Variants in GUCY2F observed in about 807,000 individuals in gnomAD.
GUCY2F encodes guanylate cyclase 2F, retinal.
In GUCY2F, 61 loss-of-function variants were observed where a neutral mutation model predicts 73.1. The observed-to-expected ratio is 0.83, with a 90% CI of 0.68 to 1.03. The LOEUF (loss-of-function observed/expected upper bound fraction) is 1.03. Among genes scored for constraint, GUCY2F ranks in the 50% least tolerant of loss-of-function variants. The pLI, the probability that GUCY2F is intolerant of heterozygous loss-of-function variation, is 0.00. For missense variants in GUCY2F, 912 were observed against 854.3 expected (o/e 1.07, Z -0.84); for synonymous variants, 331 against 307.8 (o/e 1.08, Z -0.79).
Position 109,473,654 on chromosome X carries a change from G to C in GUCY2F, c.730+1553C>G, listed in dbSNP as rs2300111. On this transcript the variant is annotated intron_variant, in intron 2 of 19. Transcript: ENST00000218006. ...GCATTTGCTCCCTCCCTGCCTCAAA[G>C]GGGTTGTGGGTGGTTAGCACTCAAT... Among the ~76,000 whole-genome samples, 141 of 111,796 alleles carry C rather than the reference G, an allele frequency of 1.3e-3. No homozygotes were observed. In the East Asian group the frequency reaches 0.032, roughly 25 times the overall value.
Position 109,475,291 on chromosome X carries a change from C to A in GUCY2F, c.646G>T (p.Val216Leu), listed in dbSNP as rs1433159339. ...TGTCCTGTGGTCAGGACGACCCCTA[C>A]AGGTAAGCCGTGGCTCCGAAGAGCA... ...ASALRSHGLP[V>L]GVVLTTGQDS... Residue 216 changes from valine (V) to leucine (L), a missense_variant, in exon 2 of 20, where the codon GTA becomes TTA. Transcript: ENST00000218006. 1 of 1,208,892 alleles carries A rather than the reference C, an allele frequency of 8.3e-7. No homozygotes were observed. Among genetic ancestry groups the A allele is most frequent in the Non-Finnish European group, 1.1e-6 (1 of 894,376 alleles).
At chrX:109,377,761 GC>G (rs1350258304) in intron 17 of GUCY2F, among the ~76,000 whole-genome samples, 1 of 111,587 alleles carries the variant, frequency 9.0e-6, no homozygotes, top group Non-Finnish European at 1.9e-5. Flanking sequence ...AGAACAGCAT[GC>G]CAATCCCCAA....
intron 9 of GUCY2F, among the ~76,000 whole-genome samples, 153 bp from the exon 10 acceptor site, chrX:109,404,637 T>C (rs2054803118): frequency 8.9e-6 from 1 of 112,454 alleles, no homozygotes; most frequent in Admixed American, 9.4e-5. Context: ...TTTGACAACC[T>C]GAGTCAGTTT....
chrX:109,475,868 T>C lies in GUCY2F; in HGVS notation c.69A>G (p.Gly23=), dbSNP rs1020292651. ...ACTTGGCAGATGCAAGGCCATGGTG[T>C]CCCAGCAGTTTCCTGAAAGCCGCAA... The part of the protein sequence containing the change: ...LWFAAFRKLL[G]HHGLASAKFL... Residue 23 remains glycine, a synonymous_variant, in exon 2 of 20, where the codon GGA becomes GGG. Transcript: ENST00000218006. 9.1e-6 allele frequency: 11 copies of C among 1,207,198 alleles called. No homozygotes were observed. The highest frequency in any genetic ancestry group is 8.8e-5 in the African/African-American group (5 of 56,583).
Position 109,391,907 on chromosome X carries a change from C to T in GUCY2F, c.2781+4G>A. On this transcript the variant is annotated splice_donor_region_variant and intron_variant, in intron 14 of 19. Transcript: ENST00000218006. ...GGAATATATTTTCCTGCTAATTAAC[C>T]TACCTTGTAGACATCATGACTGCCA... The T allele has an allele frequency of 8.8e-7, 1 of 1,135,339 alleles. No individual in the cohort carries two copies. Among genetic ancestry groups the T allele is most frequent in the Non-Finnish European group, 1.2e-6 (1 of 847,456 alleles). The allele number at this position is 1,135,339 out of a possible 1,213,427, so 93.6% of individuals were successfully genotyped here.
chrX:109,400,671 C>T (rs972890962), intron 10 of GUCY2F, among the ~76,000 whole-genome samples: 1 of 111,474 alleles, frequency 9.0e-6, no homozygotes, highest in Non-Finnish European at 1.9e-5. Context: ...CAGGCTTTGT[C>T]CCCCAACCAG....
At chrX:109,377,028 G>T (rs187529019) in intron 17 of GUCY2F, among the ~76,000 whole-genome samples, 79 of 112,083 alleles carry the variant, frequency 7.0e-4, no homozygotes, top group African/African-American at 2.3e-3. Context: ...GCTCTCATTT[G>T]GAGCAGTTCT....
intron 1 of GUCY2F, among the ~76,000 whole-genome samples, chrX:109,478,139 T>A (rs1932732952): frequency 8.9e-6 from 1 of 111,886 alleles, no homozygotes; most frequent in Non-Finnish European, 1.9e-5. Flanking sequence ...CTCCAAAAAA[T>A]TAGATCTATT....
At chrX:109,421,122 G>A (rs1931362439) in intron 8 of GUCY2F, among the ~76,000 whole-genome samples, 1 of 111,580 alleles carries the variant, frequency 9.0e-6, no homozygotes, top group South Asian at 3.7e-4. Context: ...GCAAACATGT[G>A]GAGAAATTGG....
At chrX:109,384,764 G>C (rs1378422707) in intron 16 of GUCY2F, among the ~76,000 whole-genome samples, 1 of 111,777 alleles carries the variant, frequency 8.9e-6, no homozygotes, top group Non-Finnish European at 1.9e-5. Flanking sequence ...CCAGCTGGGA[G>C]GCAGCTGGCT....
At chrX:109,375,771 G>A in intron 19 of GUCY2F, 127 bp downstream of exon 19, 1 of 536,555 alleles carries the variant, frequency 1.9e-6, no homozygotes, top group South Asian at 2.7e-5. Context: ...ATTAGAGCTT[G>A]GAAATTCTCC....
At chrX:109,414,086 T>A (rs1244506122) in intron 8 of GUCY2F, among the ~76,000 whole-genome samples, 1 of 110,669 alleles carries the variant, frequency 9.0e-6, no homozygotes, top group African/African-American at 3.3e-5. Context: ...CAAATAGCTA[T>A]TTCTCCTCCC....
intron 9 of GUCY2F, among the ~76,000 whole-genome samples, chrX:109,407,279 G>T (rs757140888): frequency 4.5e-5 from 5 of 112,237 alleles, no homozygotes; most frequent in Non-Finnish European, 7.5e-5. Flanking sequence ...CTGCCCTAGA[G>T]ATTTGTGGAA....
Position 109,378,745 on chromosome X carries a change from C to T in GUCY2F, c.3151-2578G>A, listed in dbSNP as rs1428957799. ...CTGAGAACCAAATACTGTTTAACCC[C>T]AGAATTCAAAGACAAGTTCAGAAAG... On this transcript the variant is annotated intron_variant, in intron 17 of 19. Coordinates refer to ENST00000218006, the MANE Select transcript of GUCY2F (RefSeq NM_001522.3). Among the ~76,000 whole-genome samples, 6 of 111,596 alleles carry T rather than the reference C, an allele frequency of 5.4e-5. No homozygotes were observed. The Admixed American group carries it at 5.7e-4, about 11-fold the overall frequency.
rs776864284 is a variant in GUCY2F at position 109,460,164 on chromosome X, T to C, written c.1032+4978A>G. ...TCAACCAAGGACATCTTATATCTTA[T>C]ATATCTTATAGTATTTCCAGAGAGA... is the stretch of plus-strand genomic sequence containing the variant. On this transcript the variant is annotated intron_variant, in intron 3 of 19. Coordinates refer to ENST00000218006, the MANE Select transcript of GUCY2F (RefSeq NM_001522.3). 1.6e-4 allele frequency among the ~76,000 whole-genome samples: 18 copies of C among 111,627 alleles called. No individual in the cohort carries two copies. The South Asian group carries it at 6.7e-3, about 41-fold the overall frequency.
rs746242499 is a variant in GUCY2F, at chrX:109,448,179, GA to G, written c.1473-15del. ...TTTATACGACGCCTAAAACAAACATGAAATCAGAGGGTCACAAGGGACTGGG... is the reference window on the plus strand; with the variant it reads ...TTTATACGACGCCTAAAACAAACATGAATCAGAGGGTCACAAGGGACTGGG... On this transcript the variant is annotated splice_polypyrimidine_tract_variant and intron_variant, in intron 5 of 19. Coordinates refer to ENST00000218006, the MANE Select transcript of GUCY2F (RefSeq NM_001522.3). 7 of 863,127 alleles carry G rather than the reference GA, an allele frequency of 8.1e-6. No homozygotes were observed. The highest frequency in any genetic ancestry group is 1.2e-5 in the Non-Finnish European group (7 of 579,264). The allele number at this position is 863,127 out of a possible 1,213,427, so 71.1% of individuals were successfully genotyped here.
chrX:109,404,075 G>T (rs1194221488), intron 10 of GUCY2F, among the ~76,000 whole-genome samples: 1 of 112,134 alleles, frequency 8.9e-6, no homozygotes, highest in African/African-American at 3.2e-5. Flanking sequence ...GACTGCTGGG[G>T]TCTCCAAACA....
At chrX:109,470,957 A>T (rs991336474) in intron 2 of GUCY2F, among the ~76,000 whole-genome samples, 4 of 112,343 alleles carry the variant, frequency 3.6e-5, no homozygotes, top group Non-Finnish European at 7.5e-5. Context: ...TGATGCAATA[A>T]TTGGATGACA....
chrX:109,471,956 T>C lies in GUCY2F; in HGVS notation c.730+3251A>G, dbSNP rs1281401088. 8.9e-5 allele frequency among the ~76,000 whole-genome samples: 10 copies of C among 112,047 alleles called. No homozygotes were observed. The Admixed American group carries it at 9.4e-4, about 11-fold the overall frequency. On this transcript the variant is annotated intron_variant, in intron 2 of 19. Coordinates refer to ENST00000218006, the MANE Select transcript of GUCY2F (RefSeq NM_001522.3). ...CTTTTATTGTCTCTATGGCAGCATA[T>C]AGTAACACCTCTGCTGTTTTCCCAC...
Sources: gnomAD v4.1 joint callset for allele counts (sites outside exome capture counted in the v4.1 genomes callset) on GRCh38, gnomAD v4.1.1 for gene constraint, MANE v1.5 for transcripts, NCBI Gene and HGNC (gene_info 2026-07-23, HGNC 2026-07-21) for gene names.